LRP1B: variants seen among roughly 807,000 people sequenced by gnomAD.
LRP1B encodes the protein LDL receptor related protein 1B.
Under a neutral mutation model 556.6 loss-of-function variants are expected in LRP1B, and 217 were observed. The ratio of observed to expected loss-of-function variants is 0.39; its 90% CI spans 0.35 to 0.44. LRP1B has a LOEUF of 0.44. Ranked by LOEUF, LRP1B falls within the 20% of genes least tolerant of loss-of-function variation. The pLI is 1.00. For missense variants in LRP1B, 5,053 were observed against 5,620.8 expected (o/e 0.90, Z 3.23); for synonymous variants, 2,047 against 1,865.8 (o/e 1.10, Z -2.50).
At chr2:141,734,673 G>A (rs1241340872) in intron 2 of LRP1B, among the ~76,000 whole-genome samples, 2 of 152,004 alleles carry the variant, frequency 1.3e-5, no homozygotes, top group African/African-American at 4.8e-5. Flanking sequence ...TAATTTTTAA[G>A]GGCCTCTCTG....
intron 66 of LRP1B, among the ~76,000 whole-genome samples, chr2:140,396,300 A>C (rs977121339): frequency 3.9e-5 from 6 of 152,162 alleles, no homozygotes; most frequent in Non-Finnish European, 7.4e-5. Flanking sequence ...AAGCAAAGTA[A>C]ATACATTAAA....
At chr2:141,151,917 G>A (rs1701936244) in intron 7 of LRP1B, among the ~76,000 whole-genome samples, 1 of 152,038 alleles carries the variant, frequency 6.6e-6, no homozygotes, top group African/African-American at 2.4e-5. Context: ...ATGGCAAGAT[G>A]TCACTTTAAT....
At chr2:140,570,636 A>C (rs1253887331) in intron 43 of LRP1B, among the ~76,000 whole-genome samples, 1 of 151,832 alleles carries the variant, frequency 6.6e-6, no homozygotes, top group East Asian at 1.9e-4. Context: ...TTTCCAGAAA[A>C]TTAAAAAAGA....
At chr2:140,778,243 A>G (rs1035955073) in intron 32 of LRP1B, among the ~76,000 whole-genome samples, 3 of 152,190 alleles carry the variant, frequency 2.0e-5, no homozygotes, top group African/African-American at 7.2e-5. Context: ...ACATCATTTT[A>G]TCTTTGAAGA....
intron 43 of LRP1B, among the ~76,000 whole-genome samples, chr2:140,584,387 C>CAT (rs35137673): frequency 0.023 from 3,519 of 149,928 alleles, 142 homozygotes; most frequent in African/African-American, 0.081. Flanking sequence ...GAAATGTGCT[C>CAT]ATATATATAT....
intron 29 of LRP1B, among the ~76,000 whole-genome samples, chr2:140,845,972 TG>T (rs2105108651): frequency 6.6e-6 from 1 of 152,252 alleles, no homozygotes; most frequent in Non-Finnish European, 1.5e-5. Flanking sequence ...CAGAGGATTT[TG>T]AGGATTTCTT....
chr2:140,363,284 A>G lies in LRP1B; in HGVS notation c.11131+1377T>C, dbSNP rs114776933. ...ATTGCTCACTGAGAGAAACGCAAAA[A>G]TGTTCAGACAGTCAATCTGGATTTT... On this transcript the variant is annotated intron_variant, in intron 72 of 90. Transcript: ENST00000389484. Among the ~76,000 whole-genome samples the G allele has an allele frequency of 2.1e-3, 322 of 151,674 alleles. 2 individuals are homozygous for G. The highest frequency in any genetic ancestry group is 7.5e-3 in the African/African-American group (310 of 41,490).
At chr2:141,812,522 T>G (rs2105712196) in intron 1 of LRP1B, among the ~76,000 whole-genome samples, 1 of 152,180 alleles carries the variant, frequency 6.6e-6, no homozygotes, top group South Asian at 2.1e-4. Context: ...AGTGTGTGAC[T>G]CAGTGAATAA....
chr2:140,338,920 G>C (rs1056918229), intron 77 of LRP1B, among the ~76,000 whole-genome samples: 1 of 151,770 alleles, frequency 6.6e-6, no homozygotes, highest in Admixed American at 6.6e-5. Flanking sequence ...ATGAAATAGA[G>C]ACACTAATCA....
chr2:140,489,549 T>C (rs1245986418), intron 57 of LRP1B, among the ~76,000 whole-genome samples: 1 of 152,082 alleles, frequency 6.6e-6, no homozygotes, highest in East Asian at 1.9e-4. Context: ...ATGTAGGAAG[T>C]TGCCTATGCA....
At chr2:141,594,988 T>G (rs1469956048) in intron 2 of LRP1B, among the ~76,000 whole-genome samples, 2 of 152,112 alleles carry the variant, frequency 1.3e-5, no homozygotes, top group Non-Finnish European at 2.9e-5. Flanking sequence ...CATTAAAAAT[T>G]GTTAGATGCT....
intron 35 of LRP1B, among the ~76,000 whole-genome samples, chr2:140,723,071 A>C (rs1333297373): frequency 6.6e-6 from 1 of 152,156 alleles, no homozygotes; most frequent in Non-Finnish European, 1.5e-5. Context: ...ATGAAATAAA[A>C]TAGTAAAGGG....
At chr2:140,895,406 G>A (rs192177823) in intron 23 of LRP1B, among the ~76,000 whole-genome samples, 3 of 152,292 alleles carry the variant, frequency 2.0e-5, no homozygotes, top group African/African-American at 2.4e-5. Context: ...TTGGGAAGGG[G>A]GTGGCTCGTT....
chr2:141,991,729 C>A (rs773404401), intron 1 of LRP1B, among the ~76,000 whole-genome samples: 11 of 152,064 alleles, frequency 7.2e-5, no homozygotes, highest in South Asian at 2.1e-4. Context: ...AGGGAAGATT[C>A]AAACTCAGGC....
intron 2 of LRP1B, among the ~76,000 whole-genome samples, chr2:141,638,018 T>C (rs1689165818): frequency 6.6e-6 from 1 of 152,064 alleles, no homozygotes; most frequent in African/African-American, 2.4e-5. Context: ...CTGGGCATCA[T>C]GGCAAAATCC....
At chr2:141,255,428 C>T (rs1256932377) in intron 3 of LRP1B, among the ~76,000 whole-genome samples, 1 of 151,910 alleles carries the variant, frequency 6.6e-6, no homozygotes, top group Non-Finnish European at 1.5e-5. Flanking sequence ...ATTCAAAATA[C>T]ATTGATATTT....
At chr2:140,835,891 CGTTA>C (rs1691885390) in intron 31 of LRP1B, among the ~76,000 whole-genome samples, 1 of 152,106 alleles carries the variant, frequency 6.6e-6, no homozygotes, top group Non-Finnish European at 1.5e-5. Context: ...TCCATGTGCA[CGTTA>C]ATACAGTTGA....
chr2:140,868,068 A>G (rs752257766), intron 26 of LRP1B, 31 bp downstream of exon 26: 3 of 1,567,046 alleles, frequency 1.9e-6, no homozygotes, highest in African/African-American at 1.4e-5. Flanking sequence ...AAGTAAAAAA[A>G]AAAATACAGA....
At chr2:141,509,672 A>T (rs1220409391) in intron 2 of LRP1B, among the ~76,000 whole-genome samples, 1 of 152,192 alleles carries the variant, frequency 6.6e-6, no homozygotes, top group Non-Finnish European at 1.5e-5. Context: ...CATTTAATTC[A>T]AGAGCAAATA....
Sources: allele counts gnomAD v4.1 joint callset (sites outside exome capture counted in the v4.1 genomes callset), GRCh38; gene constraint gnomAD v4.1.1; transcripts MANE v1.5; gene names NCBI Gene and HGNC (gene_info 2026-07-23, HGNC 2026-07-21).